The following CREB3L3 variants were observed in gnomAD, a reference collection of about 807,000 sequenced individuals.
CREB3L3 encodes the protein cyclic AMP-responsive element-binding protein 3-like protein 3.
CREB3L3 carries 40 observed loss-of-function variants against 44.6 expected under a neutral mutation model. The observed-to-expected ratio is 0.90, with a 90% CI of 0.70 to 1.17. The LOEUF is 1.17. Ranked by LOEUF, CREB3L3 falls within the 50% of genes most tolerant of loss-of-function variation. The pLI, the probability that CREB3L3 is intolerant of heterozygous loss-of-function variation, is 0.00. For synonymous variants in CREB3L3, 273 were observed against 256.3 expected, an observed-to-expected ratio of 1.06 and a Z score of -0.62; for missense variants, 578 against 595.8, an observed-to-expected ratio of 0.97 and a Z score of 0.31.
chr19:4,156,222 G>A (rs1179781793), intron 2 of CREB3L3, among the ~76,000 whole-genome samples: 3 of 122,772 alleles, frequency 2.4e-5, no homozygotes, highest in Non-Finnish European at 3.2e-5. Flanking sequence ...TTTCGCTGTT[G>A]TTTTGCCCAG....
At position 4,171,975 on chromosome 19, in the gene CREB3L3, G is replaced by T. The variant is rs352117; in HGVS notation, c.*6G>T. 2 of 1,581,982 alleles carry T rather than the reference G, an allele frequency of 1.3e-6. No homozygotes were observed. Among genetic ancestry groups the T allele is most frequent in the African/African-American group, 2.7e-5 (2 of 74,310 alleles). On this transcript the variant is annotated 3_prime_UTR_variant, in exon 10 of 10. Coordinates refer to ENST00000078445, the MANE Select transcript of CREB3L3 (RefSeq NM_032607.3). This position sits in a 1 kb window ranked among gnomAD's most constrained non-coding sequence, Gnocchi z 4.9. Reference sequence around the variant, plus strand: ...CGGCGGGAGACGAGCTGTGAGCCCCGCCAGGACTATGCTCCCAGGCCCCTC... The same window carrying T: ...CGGCGGGAGACGAGCTGTGAGCCCCTCCAGGACTATGCTCCCAGGCCCCTC...
At chr19:4,166,284 C>A (rs576288667) in intron 5 of CREB3L3, among the ~76,000 whole-genome samples, 3 of 150,280 alleles carry the variant, frequency 2.0e-5, no homozygotes, top group Non-Finnish European at 4.4e-5. Flanking sequence ...GACGGAGTTT[C>A]GCTTTTGTTG....
At chr19:4,165,268 A>G (rs1022424784) in intron 5 of CREB3L3, among the ~76,000 whole-genome samples, 2 of 151,630 alleles carry the variant, frequency 1.3e-5, no homozygotes, top group African/African-American at 4.9e-5. Context: ...CCTGGGCTCA[A>G]GAGATCCTCC....
rs1967077792 is a variant in CREB3L3, at chr19:4,172,505, CCGGACAGACAGA to C, written c.*538_*549del. 2 of 260,976 alleles carry C rather than the reference CCGGACAGACAGA, an allele frequency of 7.7e-6. No individual in the cohort carries two copies. Among genetic ancestry groups the C allele is most frequent in the South Asian group, 3.3e-5 (1 of 30,084 alleles). The allele number at this position is 260,976 out of a possible 1,614,324, so 16.2% of individuals were successfully genotyped here. A position where few individuals can be genotyped will look rare whatever the true frequency, so the allele number is the denominator to read the frequency against. ...CAGACAGACACAGCCTGAAACAGAC[CCGGACAGACAGA>C]CAGACACAGCCTGAAACAGACCCGG... On this transcript the variant is annotated 3_prime_UTR_variant, in exon 10 of 10. Transcript: ENST00000078445.
intron 7 of CREB3L3, 83 bp downstream of exon 7, chr19:4,170,291 T>C (rs1188794699): frequency 6.0e-6 from 8 of 1,331,586 alleles, no homozygotes; most frequent in African/African-American, 2.9e-5. Context: ...GCCCATGTGA[T>C]GGCAGAATGA....
chr19:4,165,105 C>G (rs748641640), intron 5 of CREB3L3, among the ~76,000 whole-genome samples: 2 of 152,180 alleles, frequency 1.3e-5, no homozygotes, highest in Non-Finnish European at 2.9e-5. Flanking sequence ...AAATTCAACT[C>G]AGAGGGTAAT....
At chr19:4,159,289 T>C (rs1462890644) in intron 3 of CREB3L3, among the ~76,000 whole-genome samples, 1 of 152,068 alleles carries the variant, frequency 6.6e-6, no homozygotes, top group Non-Finnish European at 1.5e-5. Context: ...CAGCTGGGAT[T>C]ACAGGTGCAC....
chr19:4,165,892 C>CA (rs1374210489), intron 5 of CREB3L3, among the ~76,000 whole-genome samples: 3 of 151,922 alleles, frequency 2.0e-5, no homozygotes, highest in African/African-American at 7.2e-5. Flanking sequence ...AAAACAAAAA[C>CA]AAAAAAACTA....
chr19:4,159,121 C>G (rs2041626545), intron 3 of CREB3L3, among the ~76,000 whole-genome samples: 2 of 151,742 alleles, frequency 1.3e-5, no homozygotes, highest in South Asian at 2.1e-4. Context: ...GTGGGACGGA[C>G]AGAACCAAGC....
Position 4,154,918 on chromosome 19 carries a change from C to T in CREB3L3, c.47C>T (p.Ser16Phe), listed in dbSNP as rs530523993. 1.2e-6 allele frequency: 2 copies of T among 1,613,958 alleles called. No homozygotes were observed. The highest frequency in any genetic ancestry group is 1.1e-5 in the South Asian group (1 of 91,090). ...CCCCAGATGGCTTCTGCTGCCTGCT[C>T]CATGGACCCCATCGACAGCTTTGAG... ...AAGKMASAAC[S>F]MDPIDSFELL... is the part of the protein sequence containing the mutation. Residue 16 changes from serine (S) to phenylalanine (F), a missense_variant, in exon 2 of 10, where the codon TCC becomes TTC. By Grantham distance (155) the Ser-to-Phe change is radical. Coordinates refer to ENST00000078445, the MANE Select transcript of CREB3L3 (RefSeq NM_032607.3).
At chr19:4,166,294 GC>G (rs1966904517) in intron 5 of CREB3L3, among the ~76,000 whole-genome samples, 2 of 150,850 alleles carry the variant, frequency 1.3e-5, no homozygotes, top group Non-Finnish European at 2.9e-5. Context: ...CGCTTTTGTT[GC>G]CCAGGCTGGA....
At chr19:4,165,819 G>A (rs1966893328) in intron 5 of CREB3L3, among the ~76,000 whole-genome samples, 1 of 152,124 alleles carries the variant, frequency 6.6e-6, no homozygotes, top group Admixed American at 6.6e-5. Context: ...GGAGGTTGCA[G>A]TGAGCCGAGA....
rs1272358050 is a variant in CREB3L3, at chr19:4,168,371, A to G, written c.735A>G (p.Lys245=). 4.3e-6 allele frequency: 7 copies of G among 1,610,828 alleles called. No individual in the cohort carries two copies. The highest frequency in any genetic ancestry group is 5.1e-6 in the Non-Finnish European group (6 of 1,178,154). ...GGCAGTACGAGGAGCGAGTGCTGAA[A>G]AAAATCCGCCGGAAAATCCGGAACA... ...PLTKYEERVL[K]KIRRKIRNKQ... Residue 245 remains lysine, a synonymous_variant, in exon 6 of 10, where the codon AAA becomes AAG. Transcript: ENST00000078445.
intron 2 of CREB3L3, among the ~76,000 whole-genome samples, chr19:4,156,152 C>A (rs2041572561): frequency 1.1e-5 from 1 of 91,598 alleles, no homozygotes; most frequent in Admixed American, 1.4e-4. Context: ...TCTCTCTCCC[C>A]CTCCCTCCCT....
chr19:4,156,043 C>G (rs2041568270), intron 2 of CREB3L3, among the ~76,000 whole-genome samples: 1 of 151,564 alleles, frequency 6.6e-6, no homozygotes, highest in Non-Finnish European at 1.5e-5. Context: ...GCCACCACAC[C>G]CGGCCCTTTT....
chr19:4,154,676 T>C (rs2041549442), intron 1 of CREB3L3, among the ~76,000 whole-genome samples: 1 of 152,092 alleles, frequency 6.6e-6, no homozygotes, highest in South Asian at 2.1e-4. Flanking sequence ...ATCCAGCCTC[T>C]CCAGCACTTT....
chr19:4,171,642 C>A lies in CREB3L3; in HGVS notation c.1073-14C>A. On this transcript the variant is annotated splice_polypyrimidine_tract_variant and intron_variant, in intron 9 of 9. Coordinates refer to ENST00000078445, the MANE Select transcript of CREB3L3 (RefSeq NM_032607.3). The surrounding 1 kb of genome is among the most constrained non-coding windows in gnomAD (Gnocchi z 4.9). ...TCCACCTTGTCCCCTGTGATGCCCCCCTTCCCCAATCAGTGTTCTCCAGAA... is the reference window on the plus strand; with the variant it reads ...TCCACCTTGTCCCCTGTGATGCCCCACTTCCCCAATCAGTGTTCTCCAGAA... 1 of 1,613,362 alleles carries A rather than the reference C, an allele frequency of 6.2e-7. No homozygotes were observed. The highest frequency in any genetic ancestry group is 1.1e-5 in the South Asian group (1 of 91,060).
At chr19:4,156,614 T>C (rs1416901426) in intron 2 of CREB3L3, among the ~76,000 whole-genome samples, 1 of 150,830 alleles carries the variant, frequency 6.6e-6, no homozygotes, top group Non-Finnish European at 1.5e-5. Flanking sequence ...AGAATCTCCT[T>C]CCTCAGACTC....
intron 4 of CREB3L3, among the ~76,000 whole-genome samples, chr19:4,162,341 G>A (rs1453708367): frequency 6.6e-6 from 1 of 151,692 alleles, no homozygotes; most frequent in Non-Finnish European, 1.5e-5. Context: ...GTTTCCCTCT[G>A]TCACCACAAC....
Sources: gnomAD v4.1 joint callset for allele counts (sites outside exome capture counted in the v4.1 genomes callset) on GRCh38, gnomAD v4.1.1 for gene constraint, Gnocchi (gnomAD v3.1) non-coding constraint, MANE v1.5 for transcripts, NCBI Gene and HGNC (gene_info 2026-07-23, HGNC 2026-07-21) for gene names.